The following MYCBP2 variants were observed in gnomAD, a reference collection of about 807,000 sequenced individuals.
MYCBP2 encodes MYC binding protein 2.
Under a neutral mutation model 525.3 loss-of-function variants are expected in MYCBP2, and 120 were observed. The observed-to-expected ratio is 0.23, with a 90% CI of 0.20 to 0.27. The LOEUF (loss-of-function observed/expected upper bound fraction) is 0.27. MYCBP2 is among the 10% of genes least tolerant of loss of function. MYCBP2 has a pLI of 1.00. For synonymous variants in MYCBP2, 1,894 were observed against 1,955.8 expected (o/e 0.97, Z 0.83); for missense variants, 4,149 against 5,657.1 (o/e 0.73, Z 8.55).
intron 2 of MYCBP2, among the ~76,000 whole-genome samples, chr13:77,290,197 G>A (rs1364063998): frequency 1.3e-5 from 2 of 152,128 alleles, no homozygotes; most frequent in Non-Finnish European, 2.9e-5. Context: ...TATCAGAATG[G>A]CTAAAATAAA....
intron 1 of MYCBP2, among the ~76,000 whole-genome samples, chr13:77,315,769 C>A (rs1386063458): frequency 6.6e-6 from 1 of 151,746 alleles, no homozygotes; most frequent in Non-Finnish European, 1.5e-5. Flanking sequence ...GTGGCGTGTG[C>A]CTGTAATCCC....
intron 20 of MYCBP2, among the ~76,000 whole-genome samples, chr13:77,223,465 A>C (rs2065863681): frequency 6.6e-6 from 1 of 152,204 alleles, no homozygotes; most frequent in East Asian, 1.9e-4. Context: ...GAACTAATAA[A>C]GATGGATTTT....
chr13:77,150,621 C>A, intron 47 of MYCBP2, 113 bp downstream of exon 47: 1 of 776,726 alleles, frequency 1.3e-6, no homozygotes, highest in Admixed American at 2.4e-5. Context: ...ATTTAATATC[C>A]ATCAAATGCT....
In MYCBP2 at chr13:77,233,164, T is replaced by G; in HGVS notation, c.2729A>C (p.Lys910Thr). The G allele has an allele frequency of 6.2e-7, 1 of 1,613,472 alleles. No homozygotes were observed. The highest frequency in any genetic ancestry group is 8.5e-7 in the Non-Finnish European group (1 of 1,179,502). ...HPAQLKHKRD[K>T]HKDGSGERGE... is the part of the protein sequence containing the mutation. ...TAAGGAAGACCAAATACCTTTGTGC[T>G]TGTCCCGTTTATGCTTTAGCTGTGC... Residue 910 changes from lysine (K) to threonine (T), a missense_variant, in exon 18 of 83, where the codon AAG becomes ACG. Physicochemically the swap from Lys to Thr is moderately conservative, Grantham distance 78. Coordinates refer to ENST00000544440, the MANE Select transcript of MYCBP2 (RefSeq NM_015057.5).
chr13:77,274,230 G>T (rs533712032), intron 4 of MYCBP2, among the ~76,000 whole-genome samples: 70 of 152,250 alleles, frequency 4.6e-4, no homozygotes, highest in African/African-American at 1.7e-3. Flanking sequence ...GAGATATGTG[G>T]TATCAAAAGA....
Position 77,045,222 on chromosome 13 carries a change from T to C in MYCBP2, c.*156A>G. On this transcript the variant is annotated 3_prime_UTR_variant, in exon 83 of 83. Coordinates refer to ENST00000544440, the MANE Select transcript of MYCBP2 (RefSeq NM_015057.5). Reference sequence around the variant, plus strand: ...GAAACTTTTCATAGCAAGAATTATGTACATGGTATTTGGTATCCTTCTTGC... The same window carrying C: ...GAAACTTTTCATAGCAAGAATTATGCACATGGTATTTGGTATCCTTCTTGC... 1 of 506,588 alleles carries C rather than the reference T, an allele frequency of 2.0e-6. No individual in the cohort carries two copies. Among genetic ancestry groups the C allele is most frequent in the East Asian group, 3.0e-5 (1 of 32,874 alleles). The allele number at this position is 506,588 out of a possible 1,614,324, so 31.4% of individuals were successfully genotyped here. A position where few individuals can be genotyped will look rare whatever the true frequency, so the allele number is the denominator to read the frequency against.
intron 56 of MYCBP2, among the ~76,000 whole-genome samples, chr13:77,096,919 G>C (rs118092420): frequency 2.6e-5 from 4 of 151,950 alleles, no homozygotes; most frequent in African/African-American, 9.7e-5. Flanking sequence ...CAATGTTACA[G>C]AAATCATTAC....
chr13:77,196,702 A>G (rs868164373), intron 26 of MYCBP2, among the ~76,000 whole-genome samples: 2 of 152,348 alleles, frequency 1.3e-5, no homozygotes, highest in Middle Eastern at 3.4e-3. Context: ...TGGGATGGGG[A>G]AGAACATGAG....
intron 1 of MYCBP2, among the ~76,000 whole-genome samples, chr13:77,314,849 C>T (rs764008519): frequency 1.3e-5 from 2 of 151,956 alleles, no homozygotes; most frequent in Non-Finnish European, 1.5e-5. Flanking sequence ...TGAGGCTATG[C>T]GTGAGTGGGG....
At chr13:77,227,471 CACACACACAT>C (rs1424200651) in intron 18 of MYCBP2, among the ~76,000 whole-genome samples, 13 of 118,436 alleles carry the variant, frequency 1.1e-4, no homozygotes, top group African/African-American at 4.2e-4. Context: ...CCTACACACA[CACACACACAT>C]ACACACACAC....
At chr13:77,152,556 C>A (rs890828418) in intron 46 of MYCBP2, among the ~76,000 whole-genome samples, 1 of 152,160 alleles carries the variant, frequency 6.6e-6, no homozygotes, top group South Asian at 2.1e-4. Context: ...CTACCCTATG[C>A]CCCTATAAAT....
chr13:77,141,372 C>CAA (rs1252146977), intron 49 of MYCBP2, among the ~76,000 whole-genome samples: 1 of 152,130 alleles, frequency 6.6e-6, no homozygotes, highest in East Asian at 1.9e-4. Flanking sequence ...ACTCCAATAT[C>CAA]TCGCACTAAC....
chr13:77,099,700 T>C (rs2046775605), intron 55 of MYCBP2: 1 of 152,154 alleles, frequency 6.6e-6, no homozygotes, highest in South Asian at 2.1e-4. Flanking sequence ...TGTGTTCCCT[T>C]GGAAACCACA....
intron 44 of MYCBP2, 115 bp from the exon 45 acceptor site, chr13:77,158,224 A>G: frequency 1.8e-6 from 1 of 552,636 alleles, no homozygotes; most frequent in South Asian, 4.5e-5. Context: ...CATTTTCTCC[A>G]CGTACCCCAC....
intron 18 of MYCBP2, among the ~76,000 whole-genome samples, chr13:77,231,306 C>T (rs2067100366): frequency 6.6e-6 from 1 of 152,172 alleles, no homozygotes; most frequent in Non-Finnish European, 1.5e-5. Context: ...TTCACTGCAA[C>T]CTCTGCCTCC....
chr13:77,162,660 C>CT (rs1016525495), intron 43 of MYCBP2, among the ~76,000 whole-genome samples: 27 of 151,442 alleles, frequency 1.8e-4, no homozygotes, highest in Admixed American at 1.4e-3. Context: ...TAAACATACT[C>CT]TTTTTTTTTC....
Position 77,176,603 on chromosome 13 carries a change from T to C in MYCBP2, c.5366A>G (p.His1789Arg). 1.3e-6 allele frequency: 2 copies of C among 1,583,386 alleles called. No homozygotes were observed. The highest frequency in any genetic ancestry group is 1.3e-5 in the African/African-American group (1 of 74,520). The change falls in exon 36 of 83, where the codon CAT (histidine) becomes CGT (arginine). Residue 1789 changes from histidine (H) to arginine (R), a missense_variant. By Grantham distance (29) the His-to-Arg change is conservative. Transcript: ENST00000544440. ...DDSEHAGDST[H>R]SHRWTSLELV... ...TTCCAGAGATGTCCATCTGTGGGAATGAGTTGAATCTCCTGCATGTTCACT... is the reference window on the plus strand; with the variant it reads ...TTCCAGAGATGTCCATCTGTGGGAACGAGTTGAATCTCCTGCATGTTCACT...
chr13:77,061,516 T>C (rs940568339), intron 75 of MYCBP2, 146 bp downstream of exon 75: 9 of 991,880 alleles, frequency 9.1e-6, no homozygotes, highest in African/African-American at 5.0e-5. Context: ...TTGCTATTTA[T>C]AGATGGTAAG....
chr13:77,326,754 C>G lies in MYCBP2; in HGVS notation c.22G>C (p.Ala8Pro). The G allele has an allele frequency of 7.1e-7, 1 of 1,414,808 alleles. No individual in the cohort carries two copies. The highest frequency in any genetic ancestry group is 9.1e-7 in the Non-Finnish European group (1 of 1,098,728). 87.6% of individuals were successfully genotyped at this position (1,414,808 alleles called of 1,614,324 possible). MMMCAAT[A>P]SPAAASSGLG... ...CCCGAGGAGGCGGCGGCGGGGGAGGCAGTCGCTGCGCACATCATCATCCTC... is the reference window on the plus strand; with the variant it reads ...CCCGAGGAGGCGGCGGCGGGGGAGGGAGTCGCTGCGCACATCATCATCCTC... The change falls in exon 1 of 83, where the codon GCC (alanine) becomes CCC (proline). Residue 8 changes from alanine (A) to proline (P), a missense_variant. Ala to Pro is a conservative substitution (Grantham distance 27). Transcript: ENST00000544440. This position sits in a 1 kb window ranked among gnomAD's most constrained non-coding sequence, Gnocchi z 4.2.
Sources: allele counts gnomAD v4.1 joint callset (sites outside exome capture counted in the v4.1 genomes callset), GRCh38; gene constraint gnomAD v4.1.1; non-coding constraint Gnocchi (gnomAD v3.1); transcripts MANE v1.5; gene names NCBI Gene and HGNC (gene_info 2026-07-23, HGNC 2026-07-21).